Variants in RP1 observed in about 807,000 individuals in gnomAD.
The protein encoded by RP1 is RP1 axonemal microtubule associated, also known as oxygen-regulated protein 1.
RP1 carries 16 observed loss-of-function variants against 14.8 expected under a neutral mutation model. The ratio of observed to expected loss-of-function variants is 1.08; its 90% CI spans 0.73 to 1.65. The LOEUF is 1.65. RP1 is among the 40% of genes most tolerant of loss of function. RP1 has a pLI of 0.00. For missense variants in RP1, 2,631 were observed against 2,535.0 expected, an observed-to-expected ratio of 1.04 and a Z score of -0.81; for synonymous variants, 876 against 883.6, an observed-to-expected ratio of 0.99 and a Z score of 0.15.
chr8:54,695,817 C>A (rs1001691966), intron 12 of RP1, among the ~76,000 whole-genome samples: 3 of 152,064 alleles, frequency 2.0e-5, no homozygotes, highest in Non-Finnish European at 4.4e-5. Flanking sequence ...TCAATAACAC[C>A]CTAACCCCCA....
At chr8:54,663,729 G>A in exon 7 of RP1, 6 of 1,531,460 alleles carry the variant, frequency 3.9e-6, no homozygotes, top group South Asian at 1.2e-5. Flanking sequence ...GTGGCAACGG[G>A]TGAGCTATGG....
intron 22 of RP1, among the ~76,000 whole-genome samples, chr8:54,763,786 T>G (rs1809699278): frequency 6.6e-6 from 1 of 152,124 alleles, no homozygotes; most frequent in East Asian, 1.9e-4. Context: ...ATAGGTGGAG[T>G]GACCCTGAGG....
intron 28 of RP1, chr8:54,869,765 T>C (rs540400296): frequency 2.0e-6 from 1 of 511,992 alleles, no homozygotes; most frequent in Non-Finnish European, 3.0e-6. Flanking sequence ...TTTCCATATG[T>C]TTTTTTTTCC....
intron 19 of RP1, among the ~76,000 whole-genome samples, chr8:54,748,884 G>C (rs1284148923): frequency 6.6e-6 from 1 of 152,006 alleles, no homozygotes; most frequent in Non-Finnish European, 1.5e-5. Context: ...TGATATTTCA[G>C]GGTAGGATTT....
intron 17 of RP1, among the ~76,000 whole-genome samples, chr8:54,726,784 T>C (rs1404020567): frequency 6.9e-6 from 1 of 144,316 alleles, no homozygotes; most frequent in Non-Finnish European, 1.5e-5. Context: ...TGAATATATT[T>C]TATGAAAAAC....
rs765197501 is a variant in RP1, at chr8:54,626,924, T to C, written c.3042T>C (p.Asp1014=). The C allele has an allele frequency of 1.5e-5, 25 of 1,613,986 alleles. No individual in the cohort carries two copies. The East Asian group carries it at 4.9e-4, about 32-fold the overall frequency. ...LHETQVGSLN[D]AYLVPLHEHC... ...AGACACAGGTTGGATCTCTGAATGA[T>C]GCTTATTTGGTTCCCCTGCATGAAC... Residue 1014 remains aspartate, a synonymous_variant, in exon 4 of 4, where the codon GAT becomes GAC. Coordinates refer to ENST00000220676, the MANE Select transcript of RP1 (RefSeq NM_006269.2).
chr8:54,642,723 T>C (rs1806474702), intron 3 of RP1, among the ~76,000 whole-genome samples: 1 of 152,142 alleles, frequency 6.6e-6, no homozygotes, highest in African/African-American at 2.4e-5. Context: ...ATTTGTATAG[T>C]AAATTACAGG....
In RP1 at chr8:54,625,414, T is replaced by C. The variant is rs761481477; in HGVS notation, c.1532T>C (p.Val511Ala). 8 of 1,614,038 alleles carry C rather than the reference T, an allele frequency of 5.0e-6. No individual in the cohort carries two copies. In the East Asian group the frequency reaches 1.6e-4, roughly 31 times the overall value. ...FTHSCSKMSS[V>A]SNKPVLVQIN... ...CATTCTTGCAGTAAAATGTCATCAGTATCTAACAAACCAGTACTTGTTCAG... is the reference window on the plus strand; with the variant it reads ...CATTCTTGCAGTAAAATGTCATCAGCATCTAACAAACCAGTACTTGTTCAG... Residue 511 changes from valine to alanine, a missense_variant, in exon 4 of 4, where the codon GTA becomes GCA. Physicochemically the swap from Val to Ala is moderately conservative, Grantham distance 64. Coordinates refer to ENST00000220676, the MANE Select transcript of RP1 (RefSeq NM_006269.2).
At chr8:54,812,965 A>C (rs1414477575) in intron 24 of RP1, among the ~76,000 whole-genome samples, 3 of 152,242 alleles carry the variant, frequency 2.0e-5, no homozygotes, top group Non-Finnish European at 4.4e-5. Context: ...CCATCTGGCC[A>C]ACAGATTTTA....
chr8:54,631,410 G>A (rs905565690), downstream of RP1, among the ~76,000 whole-genome samples: 1 of 152,176 alleles, frequency 6.6e-6, no homozygotes, highest in Non-Finnish European at 1.5e-5. Flanking sequence ...AGAAAAAATA[G>A]AAAGGAGAAA....
chr8:54,782,377 T>C (rs1810209514), intron 23 of RP1, among the ~76,000 whole-genome samples: 1 of 152,188 alleles, frequency 6.6e-6, no homozygotes, highest in African/African-American at 2.4e-5. Context: ...GATGTTTATG[T>C]ATATACAGAC....
chr8:54,818,289 T>C (rs1192423742), intron 24 of RP1, among the ~76,000 whole-genome samples: 1 of 152,240 alleles, frequency 6.6e-6, no homozygotes, highest in African/African-American at 2.4e-5. Flanking sequence ...GTGAAATGGA[T>C]TCAATAAATA....
chr8:54,857,142 C>G, intron 27 of RP1: 1 of 945,456 alleles, frequency 1.1e-6, no homozygotes, highest in East Asian at 3.4e-5. Context: ...GTTTATTTTG[C>G]AAATTTATGA....
chr8:54,621,363 A>T lies in RP1; in HGVS notation c.397A>T (p.Ile133Phe), dbSNP rs201329330. 2 of 1,612,150 alleles carry T rather than the reference A, an allele frequency of 1.2e-6. No individual in the cohort carries two copies. Among genetic ancestry groups the T allele is most frequent in the African/African-American group, 1.3e-5 (1 of 75,028 alleles). The change falls in exon 2 of 4, where the codon ATT becomes TTT. Residue 133 changes from isoleucine to phenylalanine, a missense_variant. By Grantham distance (21) the Ile-to-Phe change is conservative. Transcript: ENST00000220676. ...RPRPWLSSRA[I>F]SAHSPPHPVA... ...GCGGCCCTGGCTCAGCAGCCGGGCC[A>T]TTAGCGCGCACTCACCGCCCCACCC... is the stretch of plus-strand genomic sequence containing the variant.
intron 7 of RP1, among the ~76,000 whole-genome samples, chr8:54,666,433 C>T (rs770181491): frequency 3.7e-4 from 57 of 152,018 alleles, no homozygotes; most frequent in Non-Finnish European, 4.0e-4. Context: ...TTCTCAAATG[C>T]TGAGCCCCCA....
chr8:54,621,911 C>T (rs1805890806), intron 2 of RP1, among the ~76,000 whole-genome samples: 1 of 152,124 alleles, frequency 6.6e-6, no homozygotes, highest in Non-Finnish European at 1.5e-5. Flanking sequence ...CCTGGGATCC[C>T]TGCTGGGACG....
intron 7 of RP1, among the ~76,000 whole-genome samples, chr8:54,671,624 G>A (rs1807183221): frequency 1.3e-5 from 2 of 152,008 alleles, no homozygotes; most frequent in Non-Finnish European, 2.9e-5. Context: ...AACCCCATTA[G>A]TGAATTTTTC....
Position 54,626,859 on chromosome 8 carries a change from TC to T in RP1, c.2978del (p.Ser993PhefsTer20). On this transcript the variant is annotated frameshift_variant, in exon 4 of 4. Coordinates refer to ENST00000220676, the MANE Select transcript of RP1 (RefSeq NM_006269.2). LOFTEE classifies it low-confidence loss of function (END_TRUNC). ...TAATCTATGTAAAGAGGGAGATAAG[TC>T]TTTTATTGCCAATGACACTGGTGAA... is the stretch of plus-strand genomic sequence containing the variant. ...GDNLCKEGDK[S>X]FIANDTGEED... is the part of the protein sequence containing the mutation. The T allele has an allele frequency of 1.9e-6, 3 of 1,613,786 alleles. No homozygotes were observed. Among genetic ancestry groups the T allele is most frequent in the Non-Finnish European group, 1.7e-6 (2 of 1,179,946 alleles).
intron 24 of RP1, among the ~76,000 whole-genome samples, chr8:54,800,447 C>T (rs888355114): frequency 1.3e-5 from 2 of 151,976 alleles, no homozygotes; most frequent in Admixed American, 1.3e-4. Flanking sequence ...GAAAATATTT[C>T]TCATGCCCTG....
Sources: gnomAD v4.1 joint callset for allele counts (sites outside exome capture counted in the v4.1 genomes callset) on GRCh38, gnomAD v4.1.1 for gene constraint, MANE v1.5 for transcripts, NCBI Gene and HGNC (gene_info 2026-07-23, HGNC 2026-07-21) for gene names.